The following PRDM11 variants were observed in gnomAD, a reference collection of about 807,000 sequenced individuals.
The protein encoded by PRDM11 is PR domain-containing protein 11.
Under a neutral mutation model 97.8 loss-of-function variants are expected in PRDM11, and 20 were observed. The ratio of observed to expected loss-of-function variants is 0.20; its 90% CI spans 0.14 to 0.30. The LOEUF (loss-of-function observed/expected upper bound fraction) is 0.30, where lower values mean the gene tolerates loss of function less well. Among genes scored for constraint, PRDM11 ranks in the 10% least tolerant of loss-of-function variants. The pLI, the probability that PRDM11 is intolerant of heterozygous loss-of-function variation, is 1.00. For missense variants in PRDM11, 1,139 were observed against 1,555.2 expected (o/e 0.73, Z 4.50); for synonymous variants, 599 against 637.7 (o/e 0.94, Z 0.91).
intron 1 of PRDM11, among the ~76,000 whole-genome samples, chr11:45,168,423 T>C (rs916748807): frequency 6.6e-6 from 1 of 151,210 alleles, no homozygotes; most frequent in African/African-American, 2.4e-5. Context: ...TTGGGAGGAG[T>C]GTAGGTATGA....
Position 45,226,862 on chromosome 11 carries a change from T to C in PRDM11, c.2237T>C (p.Met746Thr). Residue 746 changes from methionine to threonine, a missense_variant, in exon 8 of 8, where the codon ATG (methionine) becomes ACG (threonine). This residue lies in a region of PRDM11 where 710 missense variants were observed against 1,044.9 expected (regional missense o/e 0.68). Coordinates refer to ENST00000683152, the MANE Select transcript of PRDM11 (RefSeq NM_001384648.1). ...ITASLRASMF[M>T]TIRKTLPWLL... ...GCCAGCCTCCGTGCCAGCATGTTCA[T>C]GACCATCCGCAAGACGCTGCCCTGG... 2 of 1,533,946 alleles carry C rather than the reference T, an allele frequency of 1.3e-6. No homozygotes were observed. Among genetic ancestry groups the C allele is most frequent in the Non-Finnish European group, 1.7e-6 (2 of 1,146,714 alleles).
In PRDM11 at chr11:45,227,063, G is replaced by T; in HGVS notation, c.2438G>T (p.Cys813Phe). 1 of 1,533,976 alleles carries T rather than the reference G, an allele frequency of 6.5e-7. No homozygotes were observed. The highest frequency in any genetic ancestry group is 8.7e-7 in the Non-Finnish European group (1 of 1,146,742). ...CTGCGGTCCACGGCGGCCACCCTTT[G>T]TGAGGAGACAGAGTTCCTGGGCGAT... ...CELRSTAATL[C>F]EETEFLGDIR... Residue 813 changes from cysteine to phenylalanine, a missense_variant, in exon 8 of 8, where the codon TGT becomes TTT. Transcript: ENST00000683152. The surrounding 1 kb of genome is among the most constrained non-coding windows in gnomAD (Gnocchi z 8.0).
At chr11:45,121,038 C>G (rs150109618) in intron 1 of PRDM11, among the ~76,000 whole-genome samples, 83 of 152,082 alleles carry the variant, frequency 5.5e-4, no homozygotes, top group African/African-American at 2.0e-3. Context: ...GAACATATAA[C>G]CACGAAGCTA....
At chr11:45,113,522 T>G (rs2135611286) in intron 1 of PRDM11, among the ~76,000 whole-genome samples, 1 of 152,328 alleles carries the variant, frequency 6.6e-6, no homozygotes, top group South Asian at 2.1e-4. Flanking sequence ...GCATTGAATC[T>G]GTAGATTGCT....
At chr11:45,123,411 C>T (rs199900366) in intron 1 of PRDM11, among the ~76,000 whole-genome samples, 2 of 151,618 alleles carry the variant, frequency 1.3e-5, no homozygotes, top group Admixed American at 6.6e-5. Context: ...GACATGAAGT[C>T]CTTGCCCATG....
chr11:45,189,163 A>C (rs1015335849), intron 4 of PRDM11, among the ~76,000 whole-genome samples: 6 of 152,082 alleles, frequency 3.9e-5, no homozygotes, highest in Admixed American at 3.3e-4. Context: ...AGCCTCCCAA[A>C]GTGCTGGGAT....
rs1854313492 is a variant in PRDM11, at chr11:45,227,847, C to T, written c.3222C>T (p.Ile1074=). The T allele has an allele frequency of 6.5e-7, 1 of 1,533,940 alleles. No individual in the cohort carries two copies. The highest frequency in any genetic ancestry group is 1.2e-5 in the South Asian group (1 of 83,964). Residue 1074 remains isoleucine (I), a synonymous_variant, in exon 8 of 8, where the codon ATC becomes ATT. Coordinates refer to ENST00000683152, the MANE Select transcript of PRDM11 (RefSeq NM_001384648.1). The surrounding 1 kb of genome is among the most constrained non-coding windows in gnomAD (Gnocchi z 8.0). ...YKQRFPLLNK[I]IQVLKVLPTS... The stretch of plus-strand genomic sequence containing the variant: ...AGAGGTTTCCACTCTTGAACAAGAT[C>T]ATCCAGGTTCTTAAAGTCCTCCCCA...
chr11:45,143,611 T>C (rs1358200047), upstream of PRDM11, among the ~76,000 whole-genome samples: 8 of 152,174 alleles, frequency 5.3e-5, no homozygotes, highest in African/African-American at 1.9e-4. Context: ...CAGAAATGAC[T>C]AACAGCAGAT....
chr11:45,122,467 T>C (rs1744883863), intron 1 of PRDM11, among the ~76,000 whole-genome samples: 1 of 140,592 alleles, frequency 7.1e-6, no homozygotes, highest in Non-Finnish European at 1.5e-5. Flanking sequence ...ATTAGGTATA[T>C]CTCCTAATGC....
chr11:45,220,919 GT>G (rs1854102559), intron 6 of PRDM11, among the ~76,000 whole-genome samples: 2 of 151,854 alleles, frequency 1.3e-5, no homozygotes, highest in East Asian at 3.9e-4. Context: ...TTGTTTGTTT[GT>G]TTTTTTCCCC....
intron 1 of PRDM11, among the ~76,000 whole-genome samples, chr11:45,165,476 C>T (rs780466046): frequency 3.3e-5 from 5 of 152,252 alleles, no homozygotes. Context: ...GTGGCATCTG[C>T]ACAGCACTGT....
At chr11:45,193,714 G>A (rs187220562) in intron 4 of PRDM11, among the ~76,000 whole-genome samples, 228 of 152,330 alleles carry the variant, frequency 1.5e-3, no homozygotes, top group Middle Eastern at 0.014. Context: ...CCCACAAGCC[G>A]TAGTTTGCTG....
rs374976952 is a variant in PRDM11, at chr11:45,224,557, G to T, written c.1083G>T (p.Gly361=). 226 of 1,613,984 alleles carry T rather than the reference G, an allele frequency of 1.4e-4. No individual in the cohort carries two copies. The highest frequency in any genetic ancestry group is 1.9e-4 in the Non-Finnish European group (220 of 1,180,020). ...TGCAGAATATAGGCCAGACCCAGGGGGAGGGGGACTGGAAGGTCCCCCAGG... is the reference window on the plus strand; with the variant it reads ...TGCAGAATATAGGCCAGACCCAGGGTGAGGGGGACTGGAAGGTCCCCCAGG... ...HGVQNIGQTQ[G]EGDWKVPQGV... is the part of the protein sequence containing the mutation. Residue 361 remains glycine, a synonymous_variant, in exon 7 of 8, where the codon GGG becomes GGT. Coordinates refer to ENST00000683152, the MANE Select transcript of PRDM11 (RefSeq NM_001384648.1).
At chr11:45,136,622 T>C (rs926791454) in intron 1 of PRDM11, among the ~76,000 whole-genome samples, 3 of 152,074 alleles carry the variant, frequency 2.0e-5, no homozygotes, top group African/African-American at 7.3e-5. Flanking sequence ...AAGAACCAGG[T>C]CCCTTAGAAG....
intron 1 of PRDM11, among the ~76,000 whole-genome samples, chr11:45,101,686 A>G (rs1851985298): frequency 7.8e-6 from 1 of 128,980 alleles, no homozygotes; most frequent in Admixed American, 7.7e-5. Context: ...GAGGAAGAAG[A>G]AGGCGTTCAG....
In PRDM11 at chr11:45,146,783, G is replaced by C. The variant is rs1474563313; in HGVS notation, c.-101G>C. The C allele has an allele frequency of 6.9e-6, 1 of 145,432 alleles. No individual in the cohort carries two copies. The highest frequency in any genetic ancestry group is 1.5e-5 in the Non-Finnish European group (1 of 65,196). 9.0% of individuals were successfully genotyped at this position (145,432 alleles called of 1,614,324 possible). On this transcript the variant is annotated 5_prime_UTR_variant, in exon 1 of 8. Transcript: ENST00000683152. ...CGCAGCGCGGCCGCTCCCTCCGCGGGGGCCGCCAGCCGAGGCCGCGCCGCC... is the reference window on the plus strand; with the variant it reads ...CGCAGCGCGGCCGCTCCCTCCGCGGCGGCCGCCAGCCGAGGCCGCGCCGCC...
chr11:45,206,657 TTATC>T (rs1853523097), intron 5 of PRDM11, among the ~76,000 whole-genome samples: 2 of 152,214 alleles, frequency 1.3e-5, no homozygotes, highest in South Asian at 2.1e-4. Context: ...CCAAACTAAC[TTATC>T]TATCCTCTGG....
intron 4 of PRDM11, among the ~76,000 whole-genome samples, chr11:45,183,797 A>G (rs1341107690): frequency 1.3e-5 from 2 of 152,178 alleles, no homozygotes; most frequent in African/African-American, 2.4e-5. Context: ...AGCATTCTAG[A>G]GGGTAAGAAG....
intron 1 of PRDM11, among the ~76,000 whole-genome samples, chr11:45,113,461 A>G (rs982359607): frequency 4.6e-5 from 7 of 151,804 alleles, no homozygotes; most frequent in African/African-American, 1.7e-4. Flanking sequence ...CAATTTTAGG[A>G]TTGTTTTTTC....
Sources: allele counts gnomAD v4.1 joint callset (sites outside exome capture counted in the v4.1 genomes callset), GRCh38; gene constraint gnomAD v4.1.1; regional missense constraint gnomAD v4.1.1; non-coding constraint Gnocchi (gnomAD v3.1); transcripts MANE v1.5; gene names NCBI Gene and HGNC (gene_info 2026-07-23, HGNC 2026-07-21).